ALG10B: variants seen among roughly 807,000 people sequenced by gnomAD.
ALG10B encodes the protein dol-P-Glc:Glc(2)Man(9)GlcNAc(2)-PP-Dol alpha-1,2-glucosyltransferase B.
Under a neutral mutation model 38.7 loss-of-function variants are expected in ALG10B, and 27 were observed. The ratio of observed to expected loss-of-function variants is 0.70; its 90% CI spans 0.51 to 0.96. The LOEUF is 0.96. Among genes scored for constraint, ALG10B ranks in the 40% least tolerant of loss-of-function variants. The pLI, the probability that ALG10B is intolerant of heterozygous loss-of-function variation, is 0.00. For missense variants in ALG10B, 522 were observed against 542.7 expected (o/e 0.96, Z 0.38); for synonymous variants, 177 against 193.3 (o/e 0.92, Z 0.70).
rs1446440912 is a variant in ALG10B at position 38,320,941 on chromosome 12, A to G, written c.1150A>G (p.Ile384Val). 1 of 1,613,832 alleles carries G rather than the reference A, an allele frequency of 6.2e-7. No individual in the cohort carries two copies. Among genetic ancestry groups the G allele is most frequent in the Non-Finnish European group, 8.5e-7 (1 of 1,179,868 alleles). The change falls in exon 3 of 3, where the codon ATA (isoleucine) becomes GTA (valine). Residue 384 changes from isoleucine (I) to valine (V), a missense_variant. Coordinates refer to ENST00000308742, the MANE Select transcript of ALG10B (RefSeq NM_001013620.4). ...VPAYIFAGWS[I>V]ADSLKSKPIF... ...AGCCTATATATTTGCTGGTTGGAGT[A>G]TAGCTGACTCATTGAAATCAAAGCC...
chr12:38,320,024 G>A, intron 2 of ALG10B, 137 bp from the exon 3 acceptor site: 3 of 1,138,062 alleles, frequency 2.6e-6, no homozygotes, highest in Non-Finnish European at 3.7e-6. Context: ...CAAAGCCAGA[G>A]ATAAGATTAA....
chr12:38,320,022 G>A (rs1945687242), intron 2 of ALG10B, 139 bp from the exon 3 acceptor site: 1 of 1,123,768 alleles, frequency 8.9e-7, no homozygotes, highest in Admixed American at 2.6e-5. Flanking sequence ...TGCAAAGCCA[G>A]AGATAAGATT....
upstream of ALG10B, chr12:38,316,723 C>T: frequency 9.1e-7 from 1 of 1,093,394 alleles, no homozygotes; most frequent in Non-Finnish European, 1.4e-6. Flanking sequence ...GAAACAGCGA[C>T]CCGCTGTTTT....
In ALG10B at chr12:38,320,842, A is replaced by G. The variant is rs751866711; in HGVS notation, c.1051A>G (p.Asn351Asp). ...TGCTCATAAATACTTGCTAGCAGAC[A>G]ATAGACATTATACTTTCTATGTGTG... ...TYAHKYLLAD[N>D]RHYTFYVWKR... Residue 351 changes from asparagine (N) to aspartate (D), a missense_variant, in exon 3 of 3, where the codon AAT becomes GAT. Transcript: ENST00000308742. 1.9e-6 allele frequency: 3 copies of G among 1,613,564 alleles called. No homozygotes were observed. In the African/African-American group the frequency reaches 4.0e-5, roughly 22 times the overall value.
rs1945713064 is a variant in ALG10B at position 38,322,598 on chromosome 12, A to G, written c.*1385A>G. 6.6e-6 allele frequency: 1 copy of G among 152,178 alleles called. No individual in the cohort carries two copies. The highest frequency in any genetic ancestry group is 2.4e-5 in the African/African-American group (1 of 41,444). 9.4% of individuals were successfully genotyped at this position (152,178 alleles called of 1,614,324 possible). On this transcript the variant is annotated 3_prime_UTR_variant, in exon 3 of 3. Coordinates refer to ENST00000308742, the MANE Select transcript of ALG10B (RefSeq NM_001013620.4). ...CTATCCATCACCTCAAATATTTGAC[A>G]TATTTTGTGATGAAAACATTTGAAA...
At position 38,323,122 on chromosome 12, in the gene ALG10B, G is replaced by C. The variant is rs1258586577; in HGVS notation, c.*1909G>C. On this transcript the variant is annotated 3_prime_UTR_variant, in exon 3 of 3. Transcript: ENST00000308742. ...GGATTTCAAATCTTCTGGATAAATA[G>C]CCAGAAGTGGGATTGTTGGATCAGG... 1.3e-5 allele frequency: 2 copies of C among 152,106 alleles called. No individual in the cohort carries two copies. The highest frequency in any genetic ancestry group is 2.1e-4 in the South Asian group (1 of 4,830). The allele number at this position is 152,106 out of a possible 1,614,324, so 9.4% of individuals were successfully genotyped here.
rs1263188662 is a variant in ALG10B at position 38,329,054 on chromosome 12, TTA to T, written c.*7843_*7844del. 2.5e-6 allele frequency: 1 copy of T among 395,550 alleles called. No individual in the cohort carries two copies. Among genetic ancestry groups the T allele is most frequent in the Non-Finnish European group, 4.5e-6 (1 of 224,526 alleles). 24.5% of individuals were successfully genotyped at this position (395,550 alleles called of 1,614,324 possible). On this transcript the variant is annotated 3_prime_UTR_variant, in exon 3 of 3. Coordinates refer to ENST00000308742, the MANE Select transcript of ALG10B (RefSeq NM_001013620.4). ...AAAATCAATATTCTTAACTCTATTG[TTA>T]TGATGGAGAAAGGCATGAAGTCTAC...
rs1237876039 is a variant in ALG10B at position 38,328,929 on chromosome 12, C to T, written c.*7716C>T. 1.9e-5 allele frequency: 6 copies of T among 323,262 alleles called. No homozygotes were observed. The highest frequency in any genetic ancestry group is 4.6e-5 in the East Asian group (1 of 21,566). 20.0% of individuals were successfully genotyped at this position (323,262 alleles called of 1,614,324 possible). On this transcript the variant is annotated 3_prime_UTR_variant, in exon 3 of 3. Transcript: ENST00000308742. Reference sequence around the variant, plus strand: ...CATAACAACTCTATGAGATCAGTACCGTACACATGGGGAAACTTAGTATAG... The same window carrying T: ...CATAACAACTCTATGAGATCAGTACTGTACACATGGGGAAACTTAGTATAG...
At chr12:38,316,692 T>A (rs776656733), upstream of ALG10B, 36 of 792,188 alleles carry the variant, frequency 4.5e-5, no homozygotes, top group Non-Finnish European at 6.1e-5. Context: ...TCCGGTCCGT[T>A]ATCTAAACCC....
At chr12:38,319,049 G>T (rs1210273402) in intron 2 of ALG10B, among the ~76,000 whole-genome samples, 1 of 152,160 alleles carries the variant, frequency 6.6e-6, no homozygotes, top group Admixed American at 6.5e-5. Flanking sequence ...TATATAGTAA[G>T]GGCTCAGTAA....
rs950738585 is a variant in ALG10B at position 38,328,387 on chromosome 12, T to A, written c.*7174T>A. The A allele has an allele frequency of 7.9e-5, 12 of 152,132 alleles. No individual in the cohort carries two copies. Among genetic ancestry groups the A allele is most frequent in the Non-Finnish European group, 1.6e-4 (11 of 67,972 alleles). The allele number at this position is 152,132 out of a possible 1,614,324, so 9.4% of individuals were successfully genotyped here. A position where few individuals can be genotyped will look rare whatever the true frequency, so the allele number is the denominator to read the frequency against. On this transcript the variant is annotated 3_prime_UTR_variant, in exon 3 of 3. Transcript: ENST00000308742. The stretch of plus-strand genomic sequence containing the variant: ...GTTTTGGAGCACTGGTAATATAGTG[T>A]TTAACTTATTTTCTATTTTTTATCC...
In ALG10B at chr12:38,323,831, A is replaced by G; in HGVS notation, c.*2618A>G. On this transcript the variant is annotated 3_prime_UTR_variant, in exon 3 of 3. Transcript: ENST00000308742. ...CTATAGTGGAGAACTAAATCTGGGAAGTCAAAATTGAAAAAAGAATGTGTA... is the reference window on the plus strand; with the variant it reads ...CTATAGTGGAGAACTAAATCTGGGAGGTCAAAATTGAAAAAAGAATGTGTA... The G allele has an allele frequency of 1.4e-6, 1 of 697,266 alleles. No individual in the cohort carries two copies. The highest frequency in any genetic ancestry group is 1.5e-5 in the South Asian group (1 of 66,314). The allele number at this position is 697,266 out of a possible 1,614,324, so 43.2% of individuals were successfully genotyped here.
At position 38,321,201 on chromosome 12, in the gene ALG10B, G is replaced by A; in HGVS notation, c.1410G>A (p.Arg470=). The change falls in exon 3 of 3, where the codon AGG becomes AGA. Residue 470 remains arginine, a synonymous_variant. Coordinates refer to ENST00000308742, the MANE Select transcript of ALG10B (RefSeq NM_001013620.4). ...FQWPNSQDIQ[R]FMW ...GGCCAAATAGTCAGGACATTCAAAGGTTTATGTGGTAATATCAGTGATATT... is the reference window on the plus strand; with the variant it reads ...GGCCAAATAGTCAGGACATTCAAAGATTTATGTGGTAATATCAGTGATATT... 6.2e-7 allele frequency: 1 copy of A among 1,610,966 alleles called. No homozygotes were observed. Among genetic ancestry groups the A allele is most frequent in the Non-Finnish European group, 8.5e-7 (1 of 1,178,512 alleles).
chr12:38,318,528 T>C, intron 2 of ALG10B, 70 bp downstream of exon 2: 1 of 1,454,444 alleles, frequency 6.9e-7, no homozygotes, highest in Non-Finnish European at 9.6e-7. Context: ...ATTAGTTTTA[T>C]GAGATTTGGT....
chr12:38,320,390 T>C lies in ALG10B; in HGVS notation c.599T>C (p.Val200Ala), dbSNP rs773481194. Residue 200 changes from valine (V) to alanine (A), a missense_variant, in exon 3 of 3, where the codon GTC (valine) becomes GCC (alanine). Transcript: ENST00000308742. The stretch of plus-strand genomic sequence containing the variant: ...TGGGCTGTCTTCTGTGCAGGGAATG[T>C]CATTGCACAAAAGTTAACTGAGGCT... ...IIWAVFCAGNVIAQKLTEAWK... is the reference protein window; with the variant it reads ...IIWAVFCAGNAIAQKLTEAWK... 2.5e-6 allele frequency: 4 copies of C among 1,614,090 alleles called. No homozygotes were observed. Among genetic ancestry groups the C allele is most frequent in the South Asian group, 2.2e-5 (2 of 91,076 alleles).
Position 38,318,379 on chromosome 12 carries a change from G to A in ALG10B, c.290G>A (p.Arg97Lys). 6.2e-7 allele frequency: 1 copy of A among 1,614,160 alleles called. No individual in the cohort carries two copies. The highest frequency in any genetic ancestry group is 8.5e-7 in the Non-Finnish European group (1 of 1,180,020). ...GTTGTCTGCTCCATTGGGATGCTCA[G>A]ATTTGTTAATCTTCTCTTCAGTGTT... ...EHVVCSIGML[R>K]FVNLLFSVGN... Residue 97 changes from arginine (R) to lysine (K), a missense_variant, in exon 2 of 3, where the codon AGA becomes AAA. Transcript: ENST00000308742.
rs1945705778 is a variant in ALG10B at position 38,321,608 on chromosome 12, G to A, written c.*395G>A. 1 of 153,052 alleles carries A rather than the reference G, an allele frequency of 6.5e-6. No homozygotes were observed. The highest frequency in any genetic ancestry group is 1.5e-5 in the Non-Finnish European group (1 of 68,506). 9.5% of individuals were successfully genotyped at this position (153,052 alleles called of 1,614,324 possible). A position where few individuals can be genotyped will look rare whatever the true frequency, so the allele number is the denominator to read the frequency against. On this transcript the variant is annotated 3_prime_UTR_variant, in exon 3 of 3. Transcript: ENST00000308742. ...TAGTGCAAAAGTAATTGTGGTTTTT[G>A]CCATTGAAAGTAATGGCAAAACCAC...
intron 2 of ALG10B, among the ~76,000 whole-genome samples, chr12:38,319,520 T>C (rs1235086092): frequency 6.6e-6 from 1 of 152,144 alleles, no homozygotes; most frequent in Non-Finnish European, 1.5e-5. Flanking sequence ...TTAGATTAAG[T>C]GGAGTATACA....
rs371552539 is a variant in ALG10B, at chr12:38,318,455, C to G, written c.366C>G (p.Asn122Lys). ...YLLFHKVQPR[N>K]KAASSIQRVL... ...TTTTCCACAAGGTACAACCCAGAAA[C>G]AAGGTATGTTTCAAAATACTTAATT... Residue 122 changes from asparagine to lysine, a missense_variant, in exon 2 of 3, where the codon AAC (asparagine) becomes AAG (lysine). Transcript: ENST00000308742. The G allele has an allele frequency of 6.2e-7, 1 of 1,613,870 alleles. No individual in the cohort carries two copies. The highest frequency in any genetic ancestry group is 8.5e-7 in the Non-Finnish European group (1 of 1,179,786).
Sources: allele counts gnomAD v4.1 joint callset (sites outside exome capture counted in the v4.1 genomes callset), GRCh38; gene constraint gnomAD v4.1.1; transcripts MANE v1.5; gene names NCBI Gene and HGNC (gene_info 2026-07-23, HGNC 2026-07-21).